Variants in ANK1 observed in about 807,000 individuals in gnomAD.
ANK1 encodes the protein ankyrin 1.
In ANK1, 51 loss-of-function variants were observed where a neutral mutation model predicts 210.4. The observed-to-expected ratio is 0.24, with a 90% CI of 0.19 to 0.31. ANK1 has a LOEUF of 0.31. Among genes scored for constraint, ANK1 ranks in the 10% least tolerant of loss-of-function variants. ANK1 has a pLI of 1.00. For synonymous variants in ANK1, 967 were observed against 1,025.9 expected (o/e 0.94, Z 1.10); for missense variants, 2,051 against 2,504.4 (o/e 0.82, Z 3.86).
chr8:41,758,839 G>T (rs187284441), intron 1 of ANK1, among the ~76,000 whole-genome samples: 1 of 152,138 alleles, frequency 6.6e-6, no homozygotes, highest in East Asian at 1.9e-4. Context: ...ATGAATGCAG[G>T]CACCAAAGGA....
At chr8:41,739,021 TC>T (rs1834071374) in intron 2 of ANK1, among the ~76,000 whole-genome samples, 2 of 152,250 alleles carry the variant, frequency 1.3e-5, no homozygotes, top group African/African-American at 4.8e-5. Context: ...CATATGGCTT[TC>T]CCTGGAGGAA....
intron 1 of ANK1, among the ~76,000 whole-genome samples, chr8:41,864,802 C>T (rs949799697): frequency 6.6e-6 from 1 of 152,174 alleles, no homozygotes; most frequent in Non-Finnish European, 1.5e-5. Context: ...AAACTGATCG[C>T]CCCTCCCTCG....
chr8:41,657,254 T>C (rs1198148537), intron 42 of ANK1, among the ~76,000 whole-genome samples: 1 of 152,166 alleles, frequency 6.6e-6, no homozygotes, highest in East Asian at 1.9e-4. Flanking sequence ...GGTAAGAGCA[T>C]GAACTCTGGA....
chr8:41,663,096 G>GTCTC (rs550550380), intron 40 of ANK1, among the ~76,000 whole-genome samples: 76 of 82,296 alleles, frequency 9.2e-4, no homozygotes, highest in South Asian at 2.7e-3. Context: ...GTGTGTGTGT[G>GTCTC]TGTCTCTCTC....
chr8:41,807,189 T>C (rs189723629), intron 1 of ANK1, among the ~76,000 whole-genome samples: 10 of 152,290 alleles, frequency 6.6e-5, no homozygotes, highest in Admixed American at 2.0e-4. Context: ...GAGTTTTGCA[T>C]TGTTATTCAC....
At chr8:41,884,635 G>C (rs1489964653) in intron 1 of ANK1, among the ~76,000 whole-genome samples, 3 of 151,054 alleles carry the variant, frequency 2.0e-5, no homozygotes, top group African/African-American at 7.3e-5. Context: ...AGGAGTTGGA[G>C]ACCAGCCTGG....
chr8:41,693,126 A>C lies in ANK1; in HGVS notation c.3608T>G (p.Phe1203Cys), dbSNP rs1285875681. ...TCACCTGGCAGAGACATTGGTGGTGAAGTTGGCGCACTCGTTGGCATATAC... is the reference window on the plus strand; with the variant it reads ...TCACCTGGCAGAGACATTGGTGGTGCAGTTGGCGCACTCGTTGGCATATAC... Reference protein sequence around the residue: ...KLVYANECANFTTNVSARFWL... With the variant: ...KLVYANECANCTTNVSARFWL... Residue 1203 changes from phenylalanine (F) to cysteine (C), a missense_variant, in exon 30 of 43, where the codon TTC becomes TGC. This residue lies in a region of ANK1 where 1,413 missense variants were observed against 1,707.4 expected (regional missense o/e 0.83). Transcript: ENST00000289734. 6.2e-7 allele frequency: 1 copy of C among 1,612,930 alleles called. No individual in the cohort carries two copies. Among genetic ancestry groups the C allele is most frequent in the South Asian group, 1.1e-5 (1 of 91,058 alleles).
At chr8:41,793,697 C>A (rs559925693) in intron 1 of ANK1, among the ~76,000 whole-genome samples, 16 of 152,326 alleles carry the variant, frequency 1.1e-4, no homozygotes, top group Non-Finnish European at 2.1e-4. Flanking sequence ...TGCTCCAGAA[C>A]CTTGTTCCGC....
chr8:41,803,085 G>GGAAGGAAGGAAGGAAGGAAAGGA (rs1563811160), intron 1 of ANK1, among the ~76,000 whole-genome samples: 1 of 59,994 alleles, frequency 1.7e-5, no homozygotes, highest in African/African-American at 7.9e-5. Context: ...GGAAGGAAGG[G>GGAAGGAAGGAAGGAAGGAAAGGA]AAGGAAAGGA....
At chr8:41,890,876 A>C (rs1010352716) in intron 1 of ANK1, among the ~76,000 whole-genome samples, 2 of 152,208 alleles carry the variant, frequency 1.3e-5, no homozygotes, top group African/African-American at 4.8e-5. Context: ...CTAAGAAAAA[A>C]AACCTGTACT....
chr8:41,768,304 A>G (rs888382252), intron 1 of ANK1, among the ~76,000 whole-genome samples: 1 of 152,182 alleles, frequency 6.6e-6, no homozygotes, highest in Non-Finnish European at 1.5e-5. Context: ...GGTGTTTTGT[A>G]TCATAAGCCG....
intron 1 of ANK1, among the ~76,000 whole-genome samples, chr8:41,895,796 G>C (rs529414590): frequency 9.2e-5 from 14 of 151,946 alleles, no homozygotes; most frequent in African/African-American, 3.4e-4. Context: ...GGTGCTCCCT[G>C]AGAAGGGTCA....
chr8:41,763,881 C>CTTTTTTGTTTTTTTT (rs1841052618), intron 1 of ANK1, among the ~76,000 whole-genome samples: 1 of 72,142 alleles, frequency 1.4e-5, no homozygotes, highest in Non-Finnish European at 2.7e-5. Context: ...TTCTTTTTTT[C>CTTTTTTGTTTTTTTT]TTTTTTTCTT....
intron 1 of ANK1, among the ~76,000 whole-genome samples, chr8:41,814,359 CAAAAAAAA>C (rs34734381): frequency 8.0e-6 from 1 of 124,432 alleles, no homozygotes; most frequent in Non-Finnish European, 1.7e-5. Context: ...GACTCCATCT[CAAAAAAAA>C]AAAAAAAAAG....
At chr8:41,695,652 G>C (rs776515545) in intron 26 of ANK1, among the ~76,000 whole-genome samples, 1 of 152,234 alleles carries the variant, frequency 6.6e-6, no homozygotes, top group African/African-American at 2.4e-5. Context: ...ATCCCTAGAC[G>C]GGTGACCTCA....
chr8:41,696,969 C>T (rs1349101610), intron 24 of ANK1, among the ~76,000 whole-genome samples, 196 bp from the exon 25 acceptor site: 1 of 152,192 alleles, frequency 6.6e-6, no homozygotes, highest in Admixed American at 6.5e-5. Flanking sequence ...TTCCTCCCAC[C>T]TCCATGCCTC....
intron 6 of ANK1, among the ~76,000 whole-genome samples, chr8:41,725,155 G>GACTA (rs1830355036): frequency 6.6e-6 from 1 of 152,232 alleles, no homozygotes; most frequent in South Asian, 2.1e-4. Context: ...GAGCCTGAAG[G>GACTA]CAGGCCTAAC....
chr8:41,833,601 G>A (rs1587300115), intron 1 of ANK1, among the ~76,000 whole-genome samples: 1 of 152,292 alleles, frequency 6.6e-6, no homozygotes, highest in Non-Finnish European at 1.5e-5. Flanking sequence ...AATGGTCACC[G>A]TACAAGTCTA....
intron 1 of ANK1, among the ~76,000 whole-genome samples, chr8:41,796,716 C>T (rs1188703925): frequency 6.6e-6 from 1 of 151,570 alleles, no homozygotes; most frequent in East Asian, 2.0e-4. Context: ...ACCCTTTCAG[C>T]GTGTGTGTGG....
Sources: gnomAD v4.1 joint callset for allele counts (sites outside exome capture counted in the v4.1 genomes callset) on GRCh38, gnomAD v4.1.1 for gene constraint, gnomAD v4.1.1 regional missense constraint, MANE v1.5 for transcripts, NCBI Gene and HGNC (gene_info 2026-07-23, HGNC 2026-07-21) for gene names.